The following GPC5 variants were observed in gnomAD, a reference collection of about 807,000 sequenced individuals.
The protein encoded by GPC5 is glypican 5, also known as glypican-5.
GPC5 carries 47 observed loss-of-function variants against 53.9 expected under a neutral mutation model. That is an observed-to-expected ratio of 0.87 (90% CI 0.69 to 1.11). GPC5 has a LOEUF of 1.11. Ranked by LOEUF, GPC5 falls within the 50% of genes most tolerant of loss-of-function variation. The pLI is 0.00. For missense variants in GPC5, 748 were observed against 713.1 expected, an observed-to-expected ratio of 1.05 and a Z score of -0.56; for synonymous variants, 286 against 263.3, an observed-to-expected ratio of 1.09 and a Z score of -0.84.
At chr13:92,449,753 A>T (rs183247679) in intron 7 of GPC5, among the ~76,000 whole-genome samples, 1 of 152,186 alleles carries the variant, frequency 6.6e-6, no homozygotes, top group African/African-American at 2.4e-5. Context: ...TGAGTATTAC[A>T]CTTTAAAGAT....
chr13:92,252,393 G>T (rs1436589782), intron 7 of GPC5, among the ~76,000 whole-genome samples: 1 of 152,080 alleles, frequency 6.6e-6, no homozygotes, highest in Admixed American at 6.6e-5. Context: ...CGTAGATGCA[G>T]TGAAATTTTA....
intron 7 of GPC5, among the ~76,000 whole-genome samples, chr13:92,656,364 T>C (rs977810165): frequency 1.6e-4 from 25 of 152,136 alleles, no homozygotes; most frequent in African/African-American, 5.6e-4. Flanking sequence ...CAGCAAAGTT[T>C]AGGGATTTAA....
At chr13:91,520,734 GTA>G (rs35078116) in intron 2 of GPC5, among the ~76,000 whole-genome samples, 2,984 of 150,930 alleles carry the variant, frequency 0.02, 98 homozygotes, top group African/African-American at 0.066. Context: ...GTGTGTGTGT[GTA>G]TATATATATA....
At chr13:92,594,562 A>C (rs1198418129) in intron 7 of GPC5, among the ~76,000 whole-genome samples, 1 of 152,282 alleles carries the variant, frequency 6.6e-6, no homozygotes, top group South Asian at 2.1e-4. Context: ...GAGGGTTGTG[A>C]TCCTATAGCA....
chr13:91,454,754 G>T (rs1335993993), intron 2 of GPC5, among the ~76,000 whole-genome samples: 1 of 151,884 alleles, frequency 6.6e-6, no homozygotes, highest in South Asian at 2.1e-4. Context: ...TTAGCATAAA[G>T]GAAGAAAATA....
intron 7 of GPC5, among the ~76,000 whole-genome samples, chr13:92,784,361 G>C (rs1876138032): frequency 6.6e-6 from 1 of 152,038 alleles, no homozygotes; most frequent in Admixed American, 6.6e-5. Flanking sequence ...GTTTATAAAA[G>C]AGTTTTTCTG....
chr13:92,483,208 C>A (rs562791219), intron 7 of GPC5, among the ~76,000 whole-genome samples: 1 of 152,254 alleles, frequency 6.6e-6, no homozygotes, highest in Non-Finnish European at 1.5e-5. Flanking sequence ...ATATCAGATA[C>A]ATTCTGAGAA....
intron 2 of GPC5, among the ~76,000 whole-genome samples, chr13:91,460,384 A>G (rs533403765): frequency 2.2e-4 from 33 of 151,274 alleles, no homozygotes; most frequent in African/African-American, 7.5e-4. Context: ...TGCAACCTCC[A>G]CTTCCTGGGT....
chr13:92,745,272 A>C (rs997955868), intron 7 of GPC5, among the ~76,000 whole-genome samples: 7 of 152,114 alleles, frequency 4.6e-5, no homozygotes, highest in African/African-American at 1.7e-4. Flanking sequence ...TGAGATGCTC[A>C]TAGCAAAAAA....
chr13:92,056,829 A>C (rs1211739763), intron 6 of GPC5, among the ~76,000 whole-genome samples: 1 of 152,228 alleles, frequency 6.6e-6, no homozygotes, highest in Non-Finnish European at 1.5e-5. Flanking sequence ...AAATAATGAC[A>C]CTGTTATCAA....
intron 7 of GPC5, among the ~76,000 whole-genome samples, chr13:92,424,554 A>T (rs1248023249): frequency 1.3e-5 from 2 of 152,088 alleles, no homozygotes; most frequent in Non-Finnish European, 2.9e-5. Context: ...GACAAGGTTC[A>T]TCATATTATT....
chr13:92,129,654 C>T (rs1280658612), intron 6 of GPC5, among the ~76,000 whole-genome samples: 1 of 152,132 alleles, frequency 6.6e-6, no homozygotes, highest in Non-Finnish European at 1.5e-5. Context: ...TATAAAAAAT[C>T]ATAGACATTC....
chr13:92,044,480 T>A (rs1410107839), intron 6 of GPC5, among the ~76,000 whole-genome samples: 2 of 152,218 alleles, frequency 1.3e-5, no homozygotes, highest in African/African-American at 4.8e-5. Flanking sequence ...TTGTTTAATC[T>A]GAATGCTGGA....
At chr13:91,708,055 T>A (rs1258140610) in intron 3 of GPC5, among the ~76,000 whole-genome samples, 1 of 152,102 alleles carries the variant, frequency 6.6e-6, no homozygotes, top group African/African-American at 2.4e-5. Flanking sequence ...AATTTTAAAG[T>A]ATATAGCTGA....
At chr13:92,124,928 G>A in intron 6 of GPC5, among the ~76,000 whole-genome samples, 1 of 152,130 alleles carries the variant, frequency 6.6e-6, no homozygotes, top group East Asian at 1.9e-4. Flanking sequence ...TCTGGAGTAT[G>A]AGCTAGACCT....
intron 7 of GPC5, among the ~76,000 whole-genome samples, chr13:92,609,246 A>C (rs748792855): frequency 6.6e-5 from 10 of 152,182 alleles, no homozygotes; most frequent in Non-Finnish European, 1.5e-4. Flanking sequence ...GTAGGTATTT[A>C]ATAAGTGTAT....
intron 7 of GPC5, among the ~76,000 whole-genome samples, chr13:92,253,332 A>C (rs942713147): frequency 6.6e-6 from 1 of 152,090 alleles, no homozygotes; most frequent in Non-Finnish European, 1.5e-5. Context: ...CAAAGATGAG[A>C]TCTCATAAAC....
intron 6 of GPC5, among the ~76,000 whole-genome samples, chr13:92,064,896 C>T (rs1052787244): frequency 8.4e-6 from 1 of 118,644 alleles, no homozygotes; most frequent in Non-Finnish European, 1.7e-5. Context: ...TACGTGTTTA[C>T]CACCGATTTA....
chr13:92,262,985 C>A (rs375695710), intron 7 of GPC5, among the ~76,000 whole-genome samples: 1 of 151,948 alleles, frequency 6.6e-6, no homozygotes, highest in Non-Finnish European at 1.5e-5. Context: ...GCTATTAGCA[C>A]GGACCGAATA....
Sources: gnomAD v4.1 joint callset for allele counts (sites outside exome capture counted in the v4.1 genomes callset) on GRCh38, gnomAD v4.1.1 for gene constraint, MANE v1.5 for transcripts, NCBI Gene and HGNC (gene_info 2026-07-23, HGNC 2026-07-21) for gene names.